Variants in PCDHA2 observed in about 807,000 individuals in gnomAD.
PCDHA2 encodes protocadherin alpha-2.
In PCDHA2, 58 loss-of-function variants were observed where a neutral mutation model predicts 66.0. That is an observed-to-expected ratio of 0.88 (90% CI 0.71 to 1.09). PCDHA2 has a LOEUF of 1.09. Among genes scored for constraint, PCDHA2 ranks in the 50% least tolerant of loss-of-function variants. The probability of loss-of-function intolerance (pLI) is 0.00; values close to 1 mark genes in which losing one functional copy is unlikely to be tolerated. For missense variants in PCDHA2, 1,267 were observed against 1,242.3 expected (o/e 1.02, Z -0.30); for synonymous variants, 634 against 554.0 (o/e 1.14, Z -2.03).
chr5:140,967,404 A>C (rs2096137449), intron 1 of PCDHA2: 1 of 1,612,076 alleles, frequency 6.2e-7, no homozygotes, highest in Non-Finnish European at 8.5e-7. Flanking sequence ...GTGCTGCGTA[A>C]GGGCCTAGAC....
rs114148884 is a variant in PCDHA2 at position 140,924,440 on chromosome 5, C to T, written c.2389-54509C>T. ...CTTTCTAGTTCCCTAGAAGAGATAA[C>T]GAATGGGTTTGTGTGTTTAGGGAGG... On this transcript the variant is annotated intron_variant, in intron 1 of 3. Coordinates refer to ENST00000526136, the MANE Select transcript of PCDHA2 (RefSeq NM_018905.3). Among the ~76,000 whole-genome samples, 538 of 152,252 alleles carry T rather than the reference C, an allele frequency of 3.5e-3. 4 individuals are homozygous for T. Among genetic ancestry groups the T allele is most frequent in the African/African-American group, 0.012 (480 of 41,540 alleles).
intron 1 of PCDHA2, chr5:140,856,218 A>C: frequency 6.3e-7 from 1 of 1,597,930 alleles, no homozygotes; most frequent in Non-Finnish European, 8.6e-7. Flanking sequence ...GAGCTGGCGG[A>C]GCTGGTGCAG....
At chr5:140,871,429 C>T in intron 1 of PCDHA2, 1 of 1,613,216 alleles carries the variant, frequency 6.2e-7, no homozygotes, top group Admixed American at 1.7e-5. Context: ...CCCCAGTCTT[C>T]CTCTAGGTCT....
At position 140,822,486 on chromosome 5, in the gene PCDHA2, C is replaced by T. The variant is rs2150116729; in HGVS notation, c.2388+25134C>T. 1.7e-5 allele frequency: 27 copies of T among 1,613,690 alleles called. No individual in the cohort carries two copies. In the African/African-American group the frequency reaches 3.1e-4, roughly 18 times the overall value. ...TCAATGTATTGGATGCTAATGATAA[C>T]GCCCCAGAATTTGATAAATCCATTT... On this transcript the variant is annotated intron_variant, in intron 1 of 3. Coordinates refer to ENST00000526136, the MANE Select transcript of PCDHA2 (RefSeq NM_018905.3).
rs1554148909 is a variant in PCDHA2, at chr5:140,856,599, A to G, written c.2388+59247A>G. 10 of 1,597,910 alleles carry G rather than the reference A, an allele frequency of 6.3e-6. 1 individual carries two copies. Among genetic ancestry groups the G allele is most frequent in the African/African-American group, 1.3e-5 (1 of 74,324 alleles). ...TATTTTGTTCTTGATATTATAAACAAAAAAGACAAAGACAAATTCCCAGTG... is the reference window on the plus strand; with the variant it reads ...TATTTTGTTCTTGATATTATAAACAGAAAAGACAAAGACAAATTCCCAGTG... On this transcript the variant is annotated intron_variant, in intron 1 of 3. Transcript: ENST00000526136.
chr5:140,887,124 T>G (rs1554182893), intron 1 of PCDHA2, among the ~76,000 whole-genome samples: 2 of 151,068 alleles, frequency 1.3e-5, no homozygotes, highest in Admixed American at 6.6e-5. Flanking sequence ...TGAGACGGAG[T>G]CTCACTCTGT....
chr5:140,934,868 G>A (rs2090080725), intron 1 of PCDHA2, among the ~76,000 whole-genome samples: 1 of 152,128 alleles, frequency 6.6e-6, no homozygotes, highest in African/African-American at 2.4e-5. Flanking sequence ...CTTTGTGAGT[G>A]TGTTTGTGTA....
At chr5:140,891,371 T>G (rs1483919316) in intron 1 of PCDHA2, among the ~76,000 whole-genome samples, 1 of 152,146 alleles carries the variant, frequency 6.6e-6, no homozygotes, top group African/African-American at 2.4e-5. Context: ...CAGTATACAT[T>G]GCACCATATT....
chr5:140,868,979 C>T, intron 1 of PCDHA2: 6 of 1,485,290 alleles, frequency 4.0e-6, no homozygotes, highest in Non-Finnish European at 5.4e-6. Flanking sequence ...TCCATCATAC[C>T]GGATGCCACC....
At chr5:140,934,151 A>G (rs1478465122) in intron 1 of PCDHA2, among the ~76,000 whole-genome samples, 3 of 152,088 alleles carry the variant, frequency 2.0e-5, no homozygotes, top group African/African-American at 7.2e-5. Context: ...TTATATGTTT[A>G]TATTTCAGTG....
In PCDHA2 at chr5:140,964,167, C is replaced by T. The variant is rs370784169; in HGVS notation, c.2389-14782C>T. Reference sequence around the variant, plus strand: ...AGCCTCAGTATAATGGTGTGAGGAACGAAATCATTATAGTGCCAAATAGAG... The same window carrying T: ...AGCCTCAGTATAATGGTGTGAGGAATGAAATCATTATAGTGCCAAATAGAG... On this transcript the variant is annotated intron_variant, in intron 1 of 3. Coordinates refer to ENST00000526136, the MANE Select transcript of PCDHA2 (RefSeq NM_018905.3). Among the ~76,000 whole-genome samples, 16 of 152,250 alleles carry T rather than the reference C, an allele frequency of 1.1e-4. 1 individual carries two copies. The highest frequency in any genetic ancestry group is 3.4e-4 in the African/African-American group (14 of 41,544).
chr5:140,797,442 C>G, intron 1 of PCDHA2, 90 bp downstream of exon 1: 1 of 1,368,350 alleles, frequency 7.3e-7, no homozygotes. Flanking sequence ...ATTCATAGTT[C>G]TTCATTTATT....
chr5:140,803,942 T>C (rs1163892292), intron 1 of PCDHA2: 1 of 383,608 alleles, frequency 2.6e-6, no homozygotes, highest in South Asian at 3.9e-5. Context: ...CCCTATACAA[T>C]GCTTCTTCAA....
intron 1 of PCDHA2, among the ~76,000 whole-genome samples, chr5:140,832,290 AT>A (rs1771900444): frequency 6.6e-6 from 1 of 152,162 alleles, no homozygotes; most frequent in Non-Finnish European, 1.5e-5. Context: ...TGAATGGTGT[AT>A]TTGCCCACAT....
chr5:140,856,484 C>T lies in PCDHA2; in HGVS notation c.2388+59132C>T. 3 of 1,598,366 alleles carry T rather than the reference C, an allele frequency of 1.9e-6. 1 individual carries two copies. The highest frequency in any genetic ancestry group is 2.7e-5 in the African/African-American group (2 of 74,376). The stretch of plus-strand genomic sequence containing the variant: ...AAAGCTCTCAATACCTGAATCCAGA[C>T]TGCTTGACTCTCGATTTCCACTAGA... On this transcript the variant is annotated intron_variant, in intron 1 of 3. Coordinates refer to ENST00000526136, the MANE Select transcript of PCDHA2 (RefSeq NM_018905.3).
In PCDHA2 at chr5:140,870,834, C is replaced by T. The variant is rs370941881; in HGVS notation, c.2388+73482C>T. ...CTGGCAGCGCGGGAGGCGCAGTTAA[C>T]AAGCTAGTACCGCGGTCGGTGGGTG... On this transcript the variant is annotated intron_variant, in intron 1 of 3. Transcript: ENST00000526136. 184 of 1,613,806 alleles carry T rather than the reference C, an allele frequency of 1.1e-4. 2 individuals are homozygous for T. In the South Asian group the frequency reaches 1.5e-3, roughly 13 times the overall value.
chr5:140,804,434 T>C (rs543620416), intron 1 of PCDHA2: 35 of 152,232 alleles, frequency 2.3e-4, no homozygotes, highest in African/African-American at 7.9e-4. Context: ...TTTAAAAGAA[T>C]GTTTTAAATC....
chr5:140,930,567 C>T (rs1192022171), intron 1 of PCDHA2: 11 of 152,480 alleles, frequency 7.2e-5, no homozygotes, highest in African/African-American at 2.2e-4. Context: ...TGAAGCAATT[C>T]TACGGTATTA....
At chr5:140,912,908 A>T (rs986770915) in intron 1 of PCDHA2, among the ~76,000 whole-genome samples, 8 of 152,188 alleles carry the variant, frequency 5.3e-5, no homozygotes, top group African/African-American at 1.9e-4. Flanking sequence ...TATCATATTG[A>T]TTGATTTGTG....
Sources: allele counts gnomAD v4.1 joint callset (sites outside exome capture counted in the v4.1 genomes callset), GRCh38; gene constraint gnomAD v4.1.1; transcripts MANE v1.5; gene names NCBI Gene and HGNC (gene_info 2026-07-23, HGNC 2026-07-21).